The following HDX variants were observed in gnomAD, a reference collection of about 807,000 sequenced individuals.
The protein encoded by HDX is chromosome X open reading frame 43.
A neutral mutation model predicts 45.2 loss-of-function variants in HDX; 19 were observed. That is an observed-to-expected ratio of 0.42 (90% CI 0.29 to 0.62). The LOEUF (loss-of-function observed/expected upper bound fraction) is 0.62, where lower values mean the gene tolerates loss of function less well. Among genes scored for constraint, HDX ranks in the 20% least tolerant of loss-of-function variants. The pLI is 0.20. For missense variants in HDX, 532 were observed against 493.9 expected, an observed-to-expected ratio of 1.08 and a Z score of -0.73; for synonymous variants, 188 against 172.8, an observed-to-expected ratio of 1.09 and a Z score of -0.69.
intron 4 of HDX, among the ~76,000 whole-genome samples, chrX:84,466,883 T>C (rs1018074489): frequency 9.0e-6 from 1 of 111,714 alleles, no homozygotes; most frequent in African/African-American, 3.3e-5. Context: ...CAGATCATCA[T>C]GAAGATTAAA....
chrX:84,367,204 C>A (rs747524465), intron 5 of HDX, among the ~76,000 whole-genome samples: 1 of 112,108 alleles, frequency 8.9e-6, no homozygotes, highest in Non-Finnish European at 1.9e-5. Context: ...TAAATAAACA[C>A]TTCTCAAAGA....
At chrX:84,453,537 CA>C (rs2040049830) in intron 4 of HDX, among the ~76,000 whole-genome samples, 1 of 112,050 alleles carries the variant, frequency 8.9e-6, no homozygotes, top group Non-Finnish European at 1.9e-5. Context: ...CAGCACTAGC[CA>C]GAGGGGAATC....
chrX:84,389,821 G>T (rs1315746014), intron 5 of HDX, among the ~76,000 whole-genome samples: 2 of 110,487 alleles, frequency 1.8e-5, no homozygotes, highest in South Asian at 7.8e-4. Flanking sequence ...GCCGTTTAAA[G>T]GCATATCTCT....
At chrX:84,430,900 G>A (rs1005497807) in intron 5 of HDX, among the ~76,000 whole-genome samples, 1 of 108,128 alleles carries the variant, frequency 9.2e-6, no homozygotes, top group Non-Finnish European at 1.9e-5. Flanking sequence ...TTAAGAATAC[G>A]TGTGCACATT....
intron 3 of HDX, 121 bp from the exon 4 acceptor site, chrX:84,469,696 A>AG: frequency 3.5e-6 from 2 of 578,205 alleles, no homozygotes; most frequent in East Asian, 7.4e-5. Context: ...TAAAGGTAAA[A>AG]GAAAAAGGTA....
intron 5 of HDX, among the ~76,000 whole-genome samples, chrX:84,377,358 C>A (rs956879625): frequency 1.8e-5 from 2 of 111,406 alleles, no homozygotes; most frequent in African/African-American, 3.3e-5. Flanking sequence ...TATGTACTAG[C>A]ATGAACACAA....
intron 5 of HDX, among the ~76,000 whole-genome samples, chrX:84,371,527 T>A (rs1465094962): frequency 8.9e-6 from 1 of 111,852 alleles, no homozygotes; most frequent in Admixed American, 9.5e-5. Context: ...TGAGCATGCT[T>A]GGATTTTGCT....
chrX:84,456,600 A>G (rs187761246), intron 4 of HDX, among the ~76,000 whole-genome samples: 5 of 111,684 alleles, frequency 4.5e-5, no homozygotes, highest in African/African-American at 6.5e-5. Context: ...TGAATAAAAA[A>G]GTAAGACCCA....
rs2036569366 is a variant in HDX at position 84,320,120 on chromosome X, G to A, written c.*1769C>T. The A allele has an allele frequency of 9.0e-6, 1 of 110,976 alleles. No individual in the cohort carries two copies. Among genetic ancestry groups the A allele is most frequent in the Non-Finnish European group, 1.9e-5 (1 of 52,432 alleles). 9.1% of individuals were successfully genotyped at this position (110,976 alleles called of 1,213,427 possible). Reference sequence around the variant, plus strand: ...GTGGTTTCTAACTTCGTTGTATATGGGGGCGACTCTTCATCTCATGGAGGA... The same window carrying A: ...GTGGTTTCTAACTTCGTTGTATATGAGGGCGACTCTTCATCTCATGGAGGA... On this transcript the variant is annotated 3_prime_UTR_variant, in exon 11 of 11. Transcript: ENST00000373177.
At chrX:84,348,134 T>G (rs1350709950) in intron 6 of HDX, among the ~76,000 whole-genome samples, 1 of 111,514 alleles carries the variant, frequency 9.0e-6, no homozygotes, top group Non-Finnish European at 1.9e-5. Context: ...CCCACAGTTG[T>G]TGTATATTAT....
At position 84,344,371 on chromosome X, in the gene HDX, C is replaced by T; in HGVS notation, c.1539G>A (p.Glu513=). Residue 513 remains glutamate, a synonymous_variant, in exon 7 of 11, where the codon GAG becomes GAA. Coordinates refer to ENST00000373177, the MANE Select transcript of HDX (RefSeq NM_001177479.2). The part of the protein sequence containing the change: ...PPRGGPADFS[E]QPESGSLSAL... ...CAGATAAAGAACCAGACTCAGGCTGCTCAGAGAAATCAGCAGGGCCTCCTC... is the reference window on the plus strand; with the variant it reads ...CAGATAAAGAACCAGACTCAGGCTGTTCAGAGAAATCAGCAGGGCCTCCTC... The T allele has an allele frequency of 1.7e-6, 2 of 1,206,578 alleles. No individual in the cohort carries two copies. Among genetic ancestry groups the T allele is most frequent in the Non-Finnish European group, 2.2e-6 (2 of 891,236 alleles).
intron 9 of HDX, among the ~76,000 whole-genome samples, chrX:84,328,220 GA>G (rs1329475940): frequency 7.3e-5 from 8 of 109,026 alleles, no homozygotes; most frequent in African/African-American, 2.6e-4. Flanking sequence ...TATATAGCCT[GA>G]CATGGTATGG....
intron 5 of HDX, among the ~76,000 whole-genome samples, chrX:84,389,552 G>T (rs142958073): frequency 9.0e-6 from 1 of 111,538 alleles, no homozygotes; most frequent in Non-Finnish European, 1.9e-5. Context: ...GGTTCTGGCC[G>T]CACTGAGGGA....
At chrX:84,430,629 C>T (rs1178888288) in intron 5 of HDX, among the ~76,000 whole-genome samples, 1 of 110,086 alleles carries the variant, frequency 9.1e-6, no homozygotes, top group African/African-American at 3.3e-5. Context: ...AGTTTAAATT[C>T]CCACCAACAA....
intron 5 of HDX, among the ~76,000 whole-genome samples, chrX:84,412,872 T>A (rs2039019866): frequency 8.9e-6 from 1 of 112,220 alleles, no homozygotes; most frequent in Non-Finnish European, 1.9e-5. Flanking sequence ...CTGTATATTT[T>A]ATTTGCGATT....
In HDX at chrX:84,440,351, A is replaced by C. The variant is rs190355396; in HGVS notation, c.1305+181T>G. 2.9e-5 allele frequency: 12 copies of C among 409,245 alleles called. No individual in the cohort carries two copies. In the East Asian group the frequency reaches 5.0e-4, roughly 17 times the overall value. The allele number at this position is 409,245 out of a possible 1,213,427, so 33.7% of individuals were successfully genotyped here. ...ATGGTGTGCTGAGTACTACATTATA[A>C]TTAAGATTACATTTGCAGTATATGT... On this transcript the variant is annotated intron_variant, in intron 5 of 10. Transcript: ENST00000373177.
At chrX:84,413,803 A>G (rs2039040688) in intron 5 of HDX, among the ~76,000 whole-genome samples, 1 of 111,770 alleles carries the variant, frequency 8.9e-6, no homozygotes, top group South Asian at 3.7e-4. Flanking sequence ...GATTCCTAGA[A>G]ATCTTGAAAT....
intron 7 of HDX, among the ~76,000 whole-genome samples, chrX:84,337,709 T>C (rs919977813): frequency 8.9e-6 from 1 of 111,874 alleles, no homozygotes; most frequent in African/African-American, 3.2e-5. Context: ...GGATTGTTTC[T>C]ATTTTTATTG....
intron 5 of HDX, among the ~76,000 whole-genome samples, chrX:84,371,690 C>T (rs183957051): frequency 8.9e-6 from 1 of 112,079 alleles, no homozygotes; most frequent in East Asian, 2.8e-4. Context: ...GTCTGATTTC[C>T]TGCCTTGCTG....
Sources: gnomAD v4.1 joint callset for allele counts (sites outside exome capture counted in the v4.1 genomes callset) on GRCh38, gnomAD v4.1.1 for gene constraint, MANE v1.5 for transcripts, NCBI Gene and HGNC (gene_info 2026-07-23, HGNC 2026-07-21) for gene names.